CORO1C: variants seen among roughly 807,000 people sequenced by gnomAD.
CORO1C encodes coronin-1C.
CORO1C carries 14 observed loss-of-function variants against 51.2 expected under a neutral mutation model. That is an observed-to-expected ratio of 0.27 (90% CI 0.18 to 0.43). The LOEUF (loss-of-function observed/expected upper bound fraction) is 0.43. CORO1C is among the 20% of genes least tolerant of loss of function. The pLI, the probability that CORO1C is intolerant of heterozygous loss-of-function variation, is 1.00. For missense variants in CORO1C, 417 were observed against 607.8 expected, an observed-to-expected ratio of 0.69 and a Z score of 3.30; for synonymous variants, 181 against 210.5, an observed-to-expected ratio of 0.86 and a Z score of 1.21.
At chr12:108,718,854 C>T (rs1376660744) in intron 1 of CORO1C, among the ~76,000 whole-genome samples, 3 of 152,164 alleles carry the variant, frequency 2.0e-5, no homozygotes, top group Admixed American at 1.3e-4. Flanking sequence ...GTAGTTACTA[C>T]CAAATACTTT....
intron 2 of CORO1C, among the ~76,000 whole-genome samples, chr12:108,692,046 A>G (rs1306882959): frequency 6.6e-6 from 1 of 151,956 alleles, no homozygotes; most frequent in Non-Finnish European, 1.5e-5. Flanking sequence ...GAAAATGAAA[A>G]GGCCCTTCTG....
chr12:108,662,869 A>G (rs1371795117), intron 3 of CORO1C, among the ~76,000 whole-genome samples: 1 of 152,208 alleles, frequency 6.6e-6, no homozygotes, highest in African/African-American at 2.4e-5. Flanking sequence ...AAAGGACACT[A>G]TGAAGAAAGT....
intron 1 of CORO1C, among the ~76,000 whole-genome samples, chr12:108,705,980 A>C (rs1405012622): frequency 6.6e-6 from 1 of 152,166 alleles, no homozygotes; most frequent in Non-Finnish European, 1.5e-5. Context: ...TGAGGTCAGG[A>C]GTTCAAGACC....
intron 1 of CORO1C, among the ~76,000 whole-genome samples, chr12:108,716,068 T>G (rs962903392): frequency 7.7e-6 from 1 of 129,276 alleles, no homozygotes; most frequent in African/African-American, 3.0e-5. Flanking sequence ...AAGTCGGAGG[T>G]TGCAGTGAGC....
chr12:108,686,550 GT>G, intron 2 of CORO1C, among the ~76,000 whole-genome samples: 1 of 152,294 alleles, frequency 6.6e-6, no homozygotes, highest in Non-Finnish European at 1.5e-5. Flanking sequence ...AATTGAAGTA[GT>G]TTAGCTGAAA....
chr12:108,696,743 C>A (rs1456376562), intron 2 of CORO1C, among the ~76,000 whole-genome samples: 1 of 152,232 alleles, frequency 6.6e-6, no homozygotes, highest in African/African-American at 2.4e-5. Flanking sequence ...CTAAGCCACA[C>A]CTTGAAAAGT....
At chr12:108,660,801 C>T (rs1307197470) in intron 4 of CORO1C, among the ~76,000 whole-genome samples, 3 of 152,140 alleles carry the variant, frequency 2.0e-5, no homozygotes, top group Non-Finnish European at 4.4e-5. Flanking sequence ...TCTGAGAGAA[C>T]ATCAAAAATG....
At chr12:108,684,024 T>C (rs1374443877) in intron 2 of CORO1C, among the ~76,000 whole-genome samples, 2 of 152,150 alleles carry the variant, frequency 1.3e-5, no homozygotes, top group African/African-American at 2.4e-5. Flanking sequence ...TTCAGCAGTG[T>C]GAGTTGTTCT....
intron 1 of CORO1C, among the ~76,000 whole-genome samples, chr12:108,720,102 C>T (rs1240431861): frequency 6.6e-6 from 1 of 152,174 alleles, no homozygotes; most frequent in African/African-American, 2.4e-5. Context: ...GGGAGGATCA[C>T]TTGAGCCTGG....
At chr12:108,674,528 A>G (rs1185397579) in intron 3 of CORO1C, among the ~76,000 whole-genome samples, 1 of 150,002 alleles carries the variant, frequency 6.7e-6, no homozygotes, top group Non-Finnish European at 1.5e-5. Context: ...AGCCTGGGCG[A>G]CAGAGCGAGA....
At chr12:108,708,564 C>T (rs1388474763) in intron 1 of CORO1C, among the ~76,000 whole-genome samples, 1 of 151,426 alleles carries the variant, frequency 6.6e-6, no homozygotes, top group African/African-American at 2.4e-5. Context: ...CAGGTTCAAG[C>T]AATTCTCCTG....
intron 4 of CORO1C, among the ~76,000 whole-genome samples, chr12:108,659,824 A>C (rs556316116): frequency 6.6e-6 from 1 of 152,294 alleles, no homozygotes; most frequent in East Asian, 1.9e-4. Context: ...ATGAAGAGAA[A>C]AATAGGCCAA....
At chr12:108,710,817 C>T (rs1297470117) in intron 1 of CORO1C, among the ~76,000 whole-genome samples, 1 of 152,136 alleles carries the variant, frequency 6.6e-6, no homozygotes, top group Non-Finnish European at 1.5e-5. Context: ...CTGCCTCAGC[C>T]TTCCAAAATG....
chr12:108,708,386 T>C (rs2035086453), intron 1 of CORO1C, among the ~76,000 whole-genome samples: 1 of 151,364 alleles, frequency 6.6e-6, no homozygotes, highest in Non-Finnish European at 1.5e-5. Context: ...GTCACAAAAA[T>C]CGACATACTA....
chr12:108,722,898 T>C (rs2035506434), intron 1 of CORO1C, among the ~76,000 whole-genome samples: 2 of 152,204 alleles, frequency 1.3e-5, no homozygotes, highest in South Asian at 4.1e-4. Flanking sequence ...AAGATCAAAC[T>C]AGCAGTCTTA....
chr12:108,658,977 C>G lies in CORO1C; in HGVS notation c.449-58G>C. 4 of 1,512,138 alleles carry G rather than the reference C, an allele frequency of 2.6e-6. No individual in the cohort carries two copies. Among genetic ancestry groups the G allele is most frequent in the Non-Finnish European group, 3.6e-6 (4 of 1,101,538 alleles). 93.7% of individuals were successfully genotyped at this position (1,512,138 alleles called of 1,614,324 possible). Reference sequence around the variant, plus strand: ...ATTAGAAACACCTATGTAACACACTCAGAAAACTACAGATACAGTGAGAAT... The same window carrying G: ...ATTAGAAACACCTATGTAACACACTGAGAAAACTACAGATACAGTGAGAAT... On this transcript the variant is annotated intron_variant, in intron 4 of 10. Transcript: ENST00000261401. The surrounding 1 kb of genome is among the most constrained non-coding windows in gnomAD (Gnocchi z 4.9).
intron 2 of CORO1C, among the ~76,000 whole-genome samples, chr12:108,690,478 T>A (rs2034458326): frequency 6.6e-6 from 1 of 152,226 alleles, no homozygotes; most frequent in Non-Finnish European, 1.5e-5. Context: ...AGATCCTCTC[T>A]AAAAACTGGG....
intron 3 of CORO1C, among the ~76,000 whole-genome samples, chr12:108,675,406 G>A (rs1259793156): frequency 5.9e-5 from 9 of 152,040 alleles, no homozygotes; most frequent in Admixed American, 1.3e-4. Flanking sequence ...GGGAAAAGGC[G>A]AGAAAGTCGG....
intron 4 of CORO1C, among the ~76,000 whole-genome samples, chr12:108,660,960 C>T (rs1253732275): frequency 2.6e-5 from 4 of 152,168 alleles, no homozygotes; most frequent in Admixed American, 1.3e-4. Flanking sequence ...AAAAACTGAA[C>T]TGCCCCTCCT....
Sources: allele counts gnomAD v4.1 joint callset (sites outside exome capture counted in the v4.1 genomes callset), GRCh38; gene constraint gnomAD v4.1.1; non-coding constraint Gnocchi (gnomAD v3.1); transcripts MANE v1.5; gene names NCBI Gene and HGNC (gene_info 2026-07-23, HGNC 2026-07-21).